DNAH12: variants seen among roughly 807,000 people sequenced by gnomAD.
DNAH12 encodes the protein dynein axonemal heavy chain 12.
DNAH12 carries 285 observed loss-of-function variants against 371.5 expected under a neutral mutation model. The ratio of observed to expected loss-of-function variants is 0.77; its 90% CI spans 0.70 to 0.85. The LOEUF (loss-of-function observed/expected upper bound fraction) is 0.85, where lower values mean the gene tolerates loss of function less well. Among genes scored for constraint, DNAH12 ranks in the 40% least tolerant of loss-of-function variants. The pLI, the probability that DNAH12 is intolerant of heterozygous loss-of-function variation, is 0.00. For missense variants in DNAH12, 3,611 were observed against 3,689.4 expected, an observed-to-expected ratio of 0.98 and a Z score of 0.55; for synonymous variants, 1,200 against 1,213.0, an observed-to-expected ratio of 0.99 and a Z score of 0.22.
In DNAH12 at chr3:57,501,235, T is replaced by C. The variant is rs554165288; in HGVS notation, c.1335+86A>G. The C allele has an allele frequency of 1.5e-4, 145 of 944,992 alleles. 1 individual carries two copies. The East Asian group carries it at 3.9e-3, about 25-fold the overall frequency. 58.5% of individuals were successfully genotyped at this position (944,992 alleles called of 1,614,324 possible). Reference sequence around the variant, plus strand: ...ATGATATTTTAAATAAGAAATTCTATTTAAGCATTTACTTTTTAGAATGGA... The same window carrying C: ...ATGATATTTTAAATAAGAAATTCTACTTAAGCATTTACTTTTTAGAATGGA... On this transcript the variant is annotated intron_variant, in intron 11 of 73. Transcript: ENST00000495027.
At chr3:57,546,689 G>A (rs966467898), upstream of DNAH12, among the ~76,000 whole-genome samples, 6 of 152,074 alleles carry the variant, frequency 3.9e-5, no homozygotes, top group Non-Finnish European at 7.4e-5. Context: ...TAAAGAGAAG[G>A]CAGCAATCTT....
At chr3:57,355,098 G>C (rs1355851254) in intron 59 of DNAH12, among the ~76,000 whole-genome samples, 3 of 152,044 alleles carry the variant, frequency 2.0e-5, no homozygotes, top group Non-Finnish European at 4.4e-5. Flanking sequence ...TGTTCTACAG[G>C]TTTTCAAAAT....
intron 45 of DNAH12, among the ~76,000 whole-genome samples, chr3:57,389,899 A>C (rs2063579386): frequency 6.8e-6 from 1 of 146,108 alleles, no homozygotes; most frequent in Non-Finnish European, 1.5e-5. Flanking sequence ...GCAGTGGCAC[A>C]ATCTCGGCCC....
At chr3:57,346,842 A>C (rs74680807) in intron 60 of DNAH12, among the ~76,000 whole-genome samples, 1,967 of 152,290 alleles carry the variant, frequency 0.013, 32 homozygotes, top group African/African-American at 0.045. Context: ...CTTCAGAGCA[A>C]GGAAAATTAT....
chr3:57,398,647 A>AAAG (rs2063793944), intron 43 of DNAH12, among the ~76,000 whole-genome samples: 1 of 152,216 alleles, frequency 6.6e-6, no homozygotes, highest in African/African-American at 2.4e-5. Context: ...AAGGTGACAT[A>AAAG]TTCTAATTGC....
At chr3:57,421,886 CA>C (rs1559641033) in intron 35 of DNAH12, among the ~76,000 whole-genome samples, 180 bp from the exon 36 acceptor site, 1 of 133,806 alleles carries the variant, frequency 7.5e-6, no homozygotes, top group Non-Finnish European at 1.6e-5. Flanking sequence ...CAATTTTTAT[CA>C]AAATGTTTGC....
chr3:57,315,891 C>T (rs1202780175), intron 65 of DNAH12, among the ~76,000 whole-genome samples: 5 of 152,064 alleles, frequency 3.3e-5, no homozygotes, highest in Middle Eastern at 3.4e-3. Context: ...AGAGAAATCT[C>T]GAGGAAAGAA....
chr3:57,416,161 G>A (rs906123251), intron 37 of DNAH12, among the ~76,000 whole-genome samples: 4 of 152,028 alleles, frequency 2.6e-5, no homozygotes, highest in Non-Finnish European at 5.9e-5. Flanking sequence ...ATAGCTCACT[G>A]CAGCCTTGAA....
chr3:57,553,430 T>C, the DNAH12 span, among the ~76,000 whole-genome samples: 19 of 152,092 alleles, frequency 1.2e-4, no homozygotes, highest in Admixed American at 2.0e-4. Flanking sequence ...GATAAAGCTG[T>C]GAAGATGATG....
intron 69 of DNAH12, among the ~76,000 whole-genome samples, chr3:57,306,264 C>T (rs1315580950): frequency 6.6e-6 from 1 of 152,170 alleles, no homozygotes; most frequent in African/African-American, 2.4e-5. Context: ...AATACAGAGG[C>T]TACCCACTTC....
chr3:57,456,954 T>C (rs764714814), intron 22 of DNAH12, among the ~76,000 whole-genome samples: 22 of 152,216 alleles, frequency 1.4e-4, no homozygotes, highest in Non-Finnish European at 2.5e-4. Flanking sequence ...TATTCTACTT[T>C]TCTCCCTATC....
At chr3:57,324,813 C>T (rs981741530) in intron 62 of DNAH12, among the ~76,000 whole-genome samples, 6 of 152,306 alleles carry the variant, frequency 3.9e-5, no homozygotes, top group African/African-American at 1.4e-4. Context: ...GTTCCCTTTC[C>T]TAGTCAAAGA....
rs558720306 is a variant in DNAH12 at position 57,452,789 on chromosome 3, G to A, written c.3786+54C>T. On this transcript the variant is annotated intron_variant, in intron 25 of 73. Transcript: ENST00000495027. Reference sequence around the variant, plus strand: ...GGTAAGACAAGAGAGAAAAGATGACGCTACAGCAAAAAGTAATTATTAATG... The same window carrying A: ...GGTAAGACAAGAGAGAAAAGATGACACTACAGCAAAAAGTAATTATTAATG... 21 of 1,464,338 alleles carry A rather than the reference G, an allele frequency of 1.4e-5. No individual in the cohort carries two copies. The South Asian group carries it at 1.6e-4, about 11-fold the overall frequency. 90.7% of individuals were successfully genotyped at this position (1,464,338 alleles called of 1,614,324 possible).
chr3:57,517,848 G>A lies in DNAH12; in HGVS notation c.279+5735C>T, dbSNP rs12636234. On this transcript the variant is annotated intron_variant, in intron 4 of 73. Coordinates refer to ENST00000495027, the MANE Select transcript of DNAH12 (RefSeq NM_001366028.2). ...GATCCCTTTCAGCTCAGGAGTGAGA[G>A]ACCAGTCTGGGCAACATGGGGAAAC... 7.2e-5 allele frequency among the ~76,000 whole-genome samples: 11 copies of A among 151,928 alleles called. No homozygotes were observed. The East Asian group carries it at 2.2e-3, about 30-fold the overall frequency.
chr3:57,322,630 T>C, intron 64 of DNAH12, 147 bp from the exon 65 acceptor site: 2 of 1,022,542 alleles, frequency 2.0e-6, no homozygotes, highest in Non-Finnish European at 2.7e-6. Context: ...GAGGCTTGAT[T>C]AAGATATGCA....
At chr3:57,477,110 C>CT (rs1388657934) in intron 13 of DNAH12, among the ~76,000 whole-genome samples, 2 of 152,064 alleles carry the variant, frequency 1.3e-5, no homozygotes, top group African/African-American at 4.8e-5. Context: ...TGAGCATGAG[C>CT]CAAAGCAGGG....
In DNAH12 at chr3:57,503,996, G is replaced by C. The variant is rs568116308; in HGVS notation, c.1086+20C>G. The C allele has an allele frequency of 4.0e-5, 63 of 1,584,460 alleles. No homozygotes were observed. Among genetic ancestry groups the C allele is most frequent in the Middle Eastern group, 1.7e-4 (1 of 5,838 alleles). On this transcript the variant is annotated intron_variant, in intron 9 of 73. Coordinates refer to ENST00000495027, the MANE Select transcript of DNAH12 (RefSeq NM_001366028.2). Reference sequence around the variant, plus strand: ...TTCAAATAATTTAAAATTCTTTCCCGATGGGTAAAGATGTAATACCTGCAG... The same window carrying C: ...TTCAAATAATTTAAAATTCTTTCCCCATGGGTAAAGATGTAATACCTGCAG...
In DNAH12 at chr3:57,429,712, T is replaced by G. The variant is rs1478057064; in HGVS notation, c.5043A>C (p.Thr1681=). 6.5e-7 allele frequency: 1 copy of G among 1,537,234 alleles called. No homozygotes were observed. ...TTACGGATGCCTGGGAAAGGTCCATTGTTTCAAAGATGAGGCTCATTTGGG... is the reference window on the plus strand; with the variant it reads ...TTACGGATGCCTGGGAAAGGTCCATGGTTTCAAAGATGAGGCTCATTTGGG... ...MSPQMSLIFE[T]MDLSQASPAT... Residue 1681 remains threonine (T), a synonymous_variant, in exon 33 of 74, where the codon ACA becomes ACC. Coordinates refer to ENST00000495027, the MANE Select transcript of DNAH12 (RefSeq NM_001366028.2).
chr3:57,422,818 C>G lies in DNAH12; in HGVS notation c.5374-1112G>C, dbSNP rs564820790. Among the ~76,000 whole-genome samples, 6 of 152,278 alleles carry G rather than the reference C, an allele frequency of 3.9e-5. No individual in the cohort carries two copies. The South Asian group carries it at 1.2e-3, about 32-fold the overall frequency. ...AAGATCAAAAGCAACCCAAATTGTTCTTCAGAAATGGTCTGCTTAATTGGA... is the reference window on the plus strand; with the variant it reads ...AAGATCAAAAGCAACCCAAATTGTTGTTCAGAAATGGTCTGCTTAATTGGA... On this transcript the variant is annotated intron_variant, in intron 35 of 73. Coordinates refer to ENST00000495027, the MANE Select transcript of DNAH12 (RefSeq NM_001366028.2).
Sources: gnomAD v4.1 joint callset for allele counts (sites outside exome capture counted in the v4.1 genomes callset) on GRCh38, gnomAD v4.1.1 for gene constraint, MANE v1.5 for transcripts, NCBI Gene and HGNC (gene_info 2026-07-23, HGNC 2026-07-21) for gene names.